The following TMEM156 variants were observed in gnomAD, a reference collection of about 807,000 sequenced individuals.
The protein encoded by TMEM156 is transmembrane protein 156.
In TMEM156, 28 loss-of-function variants were observed where a neutral mutation model predicts 30.5. The ratio of observed to expected loss-of-function variants is 0.92; its 90% CI spans 0.68 to 1.26. The LOEUF is 1.26. TMEM156 is among the 50% of genes most tolerant of loss of function. The pLI is 0.00. For missense variants in TMEM156, 351 were observed against 340.6 expected, an observed-to-expected ratio of 1.03 and a Z score of -0.24; for synonymous variants, 137 against 119.9, an observed-to-expected ratio of 1.14 and a Z score of -0.93.
chr4:39,003,007 C>G (rs1273139633), intron 1 of TMEM156, among the ~76,000 whole-genome samples: 2 of 151,694 alleles, frequency 1.3e-5, no homozygotes, highest in African/African-American at 4.8e-5. Context: ...ACAATGTGCA[C>G]ATGTACCCTA....
rs949685450 is a variant in TMEM156 at position 39,032,125 on chromosome 4, A to AT, written c.88+100dup. The AT allele has an allele frequency of 6.8e-5, 49 of 719,008 alleles. No individual in the cohort carries two copies. The African/African-American group carries it at 8.3e-4, about 12-fold the overall frequency. 44.5% of individuals were successfully genotyped at this position (719,008 alleles called of 1,614,324 possible). On this transcript the variant is annotated intron_variant, in intron 1 of 6. Coordinates refer to ENST00000381938, the MANE Select transcript of TMEM156 (RefSeq NM_024943.3). ...TTTTTCAGATCTAGAACTTCAGCCTATGCAGCATGTGTCCAAAAAGAGGAT... is the reference window on the plus strand; with the variant it reads ...TTTTTCAGATCTAGAACTTCAGCCTATTGCAGCATGTGTCCAAAAAGAGGAT...
intron 5 of TMEM156, among the ~76,000 whole-genome samples, chr4:38,984,349 C>CTCTGTG (rs373013385): frequency 4.1e-4 from 54 of 131,110 alleles, no homozygotes; most frequent in African/African-American, 1.3e-3. Context: ...CTCTCTCTCT[C>CTCTGTG]TGTGTGTGTG....
intron 4 of TMEM156, 125 bp downstream of exon 4, chr4:38,988,726 T>G (rs1712190259): frequency 7.0e-6 from 9 of 1,284,508 alleles, no homozygotes; most frequent in Non-Finnish European, 8.8e-6. Flanking sequence ...TTTTTATTCC[T>G]TGAGTTACCA....
chr4:38,986,561 C>G, intron 4 of TMEM156, 142 bp from the exon 5 acceptor site: 1 of 619,680 alleles, frequency 1.6e-6, no homozygotes, highest in Non-Finnish European at 2.9e-6. Context: ...GTAATCCCAG[C>G]ACTTTGGGAG....
chr4:39,025,462 T>C (rs12642359), intron 1 of TMEM156, among the ~76,000 whole-genome samples: 61,608 of 151,338 alleles, frequency 0.41, 12,767 homozygotes, highest in Admixed American at 0.51. Flanking sequence ...TCTCTGGTAA[T>C]ATTGAGCAGA....
chr4:38,984,484 TC>T (rs1711823121), intron 5 of TMEM156, among the ~76,000 whole-genome samples: 2 of 149,424 alleles, frequency 1.3e-5, no homozygotes, highest in Non-Finnish European at 3.0e-5. Context: ...TGTGACACAG[TC>T]ACCACCGCTT....
intron 1 of TMEM156, among the ~76,000 whole-genome samples, chr4:39,014,591 T>C (rs2465244): frequency 6.6e-6 from 1 of 151,830 alleles, no homozygotes; most frequent in East Asian, 1.9e-4. Context: ...AAACCCTGTC[T>C]CTAATAAAAA....
chr4:38,995,612 G>A (rs1238101068), intron 2 of TMEM156, among the ~76,000 whole-genome samples: 1 of 152,224 alleles, frequency 6.6e-6, no homozygotes, highest in East Asian at 1.9e-4. Flanking sequence ...CTACTCCGGA[G>A]GCTGAAGCAG....
intron 5 of TMEM156, chr4:38,981,005 A>T (rs1723151139): frequency 1.1e-6 from 1 of 948,472 alleles, no homozygotes; most frequent in Non-Finnish European, 1.3e-6. Context: ...CTGCAAAAAG[A>T]ATCATCCTCT....
chr4:39,011,756 G>C (rs551988013), intron 1 of TMEM156, among the ~76,000 whole-genome samples: 1 of 152,038 alleles, frequency 6.6e-6, no homozygotes, highest in Non-Finnish European at 1.5e-5. Flanking sequence ...CTGGACAACA[G>C]AGTGAGACTC....
chr4:39,011,756 G>A lies in TMEM156; in HGVS notation c.89-12847C>T, dbSNP rs551988013. On this transcript the variant is annotated intron_variant, in intron 1 of 6. Coordinates refer to ENST00000381938, the MANE Select transcript of TMEM156 (RefSeq NM_024943.3). ...TAATTGCACTCCAGCCTGGACAACA[G>A]AGTGAGACTCCATCTCAAAAATAAT... Among the ~76,000 whole-genome samples, 888 of 152,152 alleles carry A rather than the reference G, an allele frequency of 5.8e-3. 9 individuals are homozygous for A. The highest frequency in any genetic ancestry group is 0.021 in the African/African-American group (852 of 41,488).
At chr4:39,022,659 C>G (rs915593840) in intron 1 of TMEM156, among the ~76,000 whole-genome samples, 4 of 152,186 alleles carry the variant, frequency 2.6e-5, no homozygotes, top group Non-Finnish European at 4.4e-5. Context: ...CCGTTGACCT[C>G]TACCAATAAG....
intron 1 of TMEM156, among the ~76,000 whole-genome samples, chr4:39,008,972 TG>T (rs1713926838): frequency 1.3e-5 from 2 of 152,016 alleles, no homozygotes; most frequent in African/African-American, 4.8e-5. Flanking sequence ...AAACAAAAGT[TG>T]TTTTTTCAAA....
intron 1 of TMEM156, among the ~76,000 whole-genome samples, chr4:39,001,214 C>A (rs900948080): frequency 1.2e-3 from 139 of 114,838 alleles, no homozygotes; most frequent in African/African-American, 1.8e-3. Context: ...ACTAAAAATA[C>A]AAAAAAAAAA....
intron 1 of TMEM156, among the ~76,000 whole-genome samples, chr4:39,029,352 A>G (rs1577596139): frequency 6.6e-6 from 1 of 152,148 alleles, no homozygotes; most frequent in Admixed American, 6.5e-5. Context: ...TAATTGCAGC[A>G]CTTCTAGAGC....
intron 1 of TMEM156, among the ~76,000 whole-genome samples, chr4:38,999,118 T>TTA (rs1560372117): frequency 9.9e-3 from 473 of 47,886 alleles, no homozygotes; most frequent in Non-Finnish European, 0.018. Flanking sequence ...TTATTTTTTT[T>TTA]TTTTTTTTTT....
intron 1 of TMEM156, among the ~76,000 whole-genome samples, chr4:39,011,560 G>T (rs1714120693): frequency 6.6e-6 from 1 of 152,138 alleles, no homozygotes; most frequent in Non-Finnish European, 1.5e-5. Flanking sequence ...TGAATCACGA[G>T]GTCAGGAGTT....
chr4:39,027,486 TAAAAGAAAGTGAGGAAGTCAAAACAGATA>T (rs1454516189), intron 1 of TMEM156, among the ~76,000 whole-genome samples: 1 of 151,766 alleles, frequency 6.6e-6, no homozygotes, highest in Non-Finnish European at 1.5e-5. Flanking sequence ...GTTTGGCTCT[TAAAAGAAAGTGAGGAAGTCAAAACAGATA>T]AAATTAGGTC....
At chr4:38,988,560 TTC>T (rs1338992553) in intron 4 of TMEM156, among the ~76,000 whole-genome samples, 9 of 151,242 alleles carry the variant, frequency 6.0e-5, no homozygotes, top group Admixed American at 4.0e-4. Context: ...CTTCCTGTTC[TTC>T]TCTCTCTCTC....
Sources: allele counts gnomAD v4.1 joint callset (sites outside exome capture counted in the v4.1 genomes callset), GRCh38; gene constraint gnomAD v4.1.1; transcripts MANE v1.5; gene names NCBI Gene and HGNC (gene_info 2026-07-23, HGNC 2026-07-21).